Variants in OR4F16 observed in about 807,000 individuals in gnomAD.
OR4F16 encodes the protein olfactory receptor family 4 subfamily F member 16.
the OR4F16 span, chr1:702,152 G>T: frequency 7.5e-6 from 1 of 133,786 alleles, no homozygotes. Context: ...TCGGGACCAG[G>T]CTGGCCAACA....
the OR4F16 span, among the ~76,000 whole-genome samples, chr1:693,244 AAG>A: frequency 2.0e-5 from 3 of 148,378 alleles, no homozygotes; most frequent in African/African-American, 7.7e-5. Flanking sequence ...AGAGAGAACA[AAG>A]AGAGAGAGAA....
At chr1:711,497 T>C in the OR4F16 span, among the ~76,000 whole-genome samples, 6 of 149,732 alleles carry the variant, frequency 4.0e-5, no homozygotes, top group Admixed American at 2.7e-4. Flanking sequence ...AAAATCGCTA[T>C]TTTTTTTTTT....
chr1:690,838 A>G (rs2808328), upstream of OR4F16, among the ~76,000 whole-genome samples: 1 of 148,176 alleles, frequency 6.7e-6, no homozygotes, highest in African/African-American at 2.6e-5. Flanking sequence ...GTATTCAATT[A>G]TACAATGGAG....
At chr1:714,057 ATG>A in the OR4F16 span, among the ~76,000 whole-genome samples, 20 of 136,332 alleles carry the variant, frequency 1.5e-4, no homozygotes, top group South Asian at 7.3e-4. Flanking sequence ...ATATATATAT[ATG>A]TGTGTGTGTA....
chr1:701,585 A>T, the OR4F16 span, among the ~76,000 whole-genome samples: 1 of 150,304 alleles, frequency 6.7e-6, no homozygotes, highest in African/African-American at 2.5e-5. Context: ...ACACCATGGA[A>T]TACTATGCCG....
chr1:690,092 C>T (rs1168198333), upstream of OR4F16, among the ~76,000 whole-genome samples: 4 of 118,710 alleles, frequency 3.4e-5, no homozygotes, highest in Admixed American at 1.8e-4. Context: ...CTTCTATTAT[C>T]GCCCTGTTGG....
chr1:692,470 G>C, the OR4F16 span, among the ~76,000 whole-genome samples: 1 of 151,868 alleles, frequency 6.6e-6, no homozygotes, highest in Non-Finnish European at 1.5e-5. Context: ...ACTTCTCAAA[G>C]GTATATGAGA....
the OR4F16 span, among the ~76,000 whole-genome samples, chr1:676,720 T>C: frequency 3.4e-5 from 4 of 117,220 alleles, no homozygotes; most frequent in Admixed American, 7.7e-5. Flanking sequence ...CAGAGACCTA[T>C]AGATAAAACC....
chr1:691,092 CATAA>C (rs1256281063), upstream of OR4F16, among the ~76,000 whole-genome samples: 1 of 150,264 alleles, frequency 6.7e-6, no homozygotes, highest in Non-Finnish European at 1.5e-5. Context: ...AAAATAAATA[CATAA>C]ATACATAAAA....
chr1:690,351 TAG>T (rs1643041971), upstream of OR4F16, among the ~76,000 whole-genome samples: 1 of 129,680 alleles, frequency 7.7e-6, no homozygotes, highest in Admixed American at 7.8e-5. Context: ...AAGATCACAG[TAG>T]AGTTATTTCC....
the OR4F16 span, among the ~76,000 whole-genome samples, chr1:710,140 AAAT>A: frequency 7.8e-6 from 1 of 128,022 alleles, no homozygotes; most frequent in Non-Finnish European, 1.7e-5. Context: ...AATTGGAAAA[AAAT>A]AATATCATAT....
chr1:715,768 G>A, the OR4F16 span, among the ~76,000 whole-genome samples: 1 of 143,114 alleles, frequency 7.0e-6, no homozygotes, highest in East Asian at 2.1e-4. Context: ...GGAGGTCAAG[G>A]CTGCAATGAG....
the OR4F16 span, among the ~76,000 whole-genome samples, chr1:692,187 CA>C: frequency 1.5e-5 from 2 of 131,882 alleles, no homozygotes; most frequent in African/African-American, 6.2e-5. Flanking sequence ...AAATCCTCTA[CA>C]ATATAAGTAG....
chr1:717,243 CAGAG>C, the OR4F16 span, among the ~76,000 whole-genome samples: 1 of 150,972 alleles, frequency 6.6e-6, no homozygotes, highest in African/African-American at 2.4e-5. Flanking sequence ...GTTGAAAACT[CAGAG>C]AGAAGAGCAA....
At chr1:712,642 TAATAA>T in the OR4F16 span, among the ~76,000 whole-genome samples, 4 of 146,998 alleles carry the variant, frequency 2.7e-5, no homozygotes, top group South Asian at 6.3e-4. Context: ...AGGAATAATA[TAATAA>T]TTTTATTTAA....
chr1:693,160 TCA>T, the OR4F16 span, among the ~76,000 whole-genome samples: 1 of 149,238 alleles, frequency 6.7e-6, no homozygotes, highest in Non-Finnish European at 1.5e-5. Context: ...AGACAGAACA[TCA>T]CAGAGGTAGG....
chr1:701,987 C>T, the OR4F16 span: 1 of 148,984 alleles, frequency 6.7e-6, no homozygotes. Flanking sequence ...ATCTTTCATT[C>T]ATTCCTTTCA....
chr1:682,512 CAAG>C, downstream of OR4F16, among the ~76,000 whole-genome samples: 2 of 132,542 alleles, frequency 1.5e-5, no homozygotes, highest in Middle Eastern at 7.8e-3. Context: ...CAATATTTTA[CAAG>C]AAGATGAACA....
chr1:701,253 A>G, the OR4F16 span, among the ~76,000 whole-genome samples: 3 of 148,092 alleles, frequency 2.0e-5, no homozygotes, highest in Admixed American at 6.9e-5. Flanking sequence ...AAGGGCTTTA[A>G]GGATAATGAG....
Sources: allele counts gnomAD v4.1 joint callset (sites outside exome capture counted in the v4.1 genomes callset), GRCh38; gene constraint gnomAD v4.1.1; transcripts MANE v1.5; gene names NCBI Gene and HGNC (gene_info 2026-07-23, HGNC 2026-07-21).